Variants in NAV2 observed in about 807,000 individuals in gnomAD.
NAV2 encodes the protein helicase, APC down-regulated 1.
A neutral mutation model predicts 223.2 loss-of-function variants in NAV2; 54 were observed. The observed-to-expected ratio is 0.24, with a 90% CI of 0.19 to 0.30. The LOEUF is 0.30. Among genes scored for constraint, NAV2 ranks in the 10% least tolerant of loss-of-function variants. NAV2 has a pLI of 1.00. For synonymous variants in NAV2, 1,279 were observed against 1,239.3 expected, an observed-to-expected ratio of 1.03 and a Z score of -0.67; for missense variants, 2,806 against 3,147.5, an observed-to-expected ratio of 0.89 and a Z score of 2.60.
At chr11:19,686,688 A>T (rs1039242037) in intron 1 of NAV2, among the ~76,000 whole-genome samples, 1 of 152,234 alleles carries the variant, frequency 6.6e-6, no homozygotes, top group South Asian at 2.1e-4. Flanking sequence ...GCAGCATGTT[A>T]TCATGGAGAG....
chr11:19,851,639 C>G (rs547842452), intron 3 of NAV2, among the ~76,000 whole-genome samples: 1 of 152,178 alleles, frequency 6.6e-6, no homozygotes, highest in Admixed American at 6.5e-5. Flanking sequence ...GAAGGTCATT[C>G]CCTGCCCTGT....
In NAV2 at chr11:19,713,423, C is replaced by G; in HGVS notation, c.-273C>G. On this transcript the variant is annotated 5_prime_UTR_variant, in exon 1 of 38. Transcript: ENST00000349880. This position sits in a 1 kb window ranked among gnomAD's most constrained non-coding sequence, Gnocchi z 7.2. Reference sequence around the variant, plus strand: ...AGCGCCCAGAGCTCTTGAAAGGCCACCCAGGAGAGGTGTGAGACCCGGCGG... The same window carrying G: ...AGCGCCCAGAGCTCTTGAAAGGCCAGCCAGGAGAGGTGTGAGACCCGGCGG... 2 of 1,252,486 alleles carry G rather than the reference C, an allele frequency of 1.6e-6. No homozygotes were observed. The highest frequency in any genetic ancestry group is 2.0e-6 in the Non-Finnish European group (2 of 1,001,422). 77.6% of individuals were successfully genotyped at this position (1,252,486 alleles called of 1,614,324 possible).
intron 6 of NAV2, among the ~76,000 whole-genome samples, chr11:19,918,957 G>A (rs1401199378): frequency 2.0e-5 from 3 of 152,070 alleles, no homozygotes; most frequent in Non-Finnish European, 4.4e-5. Flanking sequence ...CCCCTTGAAG[G>A]CATACACCAT....
intron 10 of NAV2, among the ~76,000 whole-genome samples, chr11:19,975,081 T>A (rs768531382): frequency 3.3e-5 from 5 of 152,226 alleles, no homozygotes; most frequent in Non-Finnish European, 7.3e-5. Context: ...TCTAGAGAAC[T>A]GTCTCTTGTG....
intron 14 of NAV2, 116 bp downstream of exon 14, chr11:20,045,786 A>G: frequency 1.1e-6 from 1 of 887,264 alleles, no homozygotes; most frequent in South Asian, 1.8e-5. Context: ...TCCTCCAGTA[A>G]AGCTGTTTTG....
Position 19,679,430 on chromosome 11 carries a change from C to CAAAAAAAAAAAAA in NAV2, c.76-153047_76-153046insAAAAAAAAAAAAA, listed in dbSNP as rs56384242. On this transcript the variant is annotated intron_variant, in intron 1 of 37. Transcript: ENST00000360655. The stretch of plus-strand genomic sequence containing the variant: ...TGGGCAACAGAACGAGACTCTGTCT[C>CAAAAAAAAAAAAA]AAAAAAACACAAAAAGATTTGGGGG... 2.1e-4 allele frequency among the ~76,000 whole-genome samples: 24 copies of CAAAAAAAAAAAAA among 114,140 alleles called. 10 individuals carry two copies. Among genetic ancestry groups the CAAAAAAAAAAAAA allele is most frequent in the South Asian group, 6.0e-4 (2 of 3,330 alleles). 74.9% of individuals were successfully genotyped at this position (114,140 alleles called of 152,430 possible). A position where few individuals can be genotyped will look rare whatever the true frequency, so the allele number is the denominator to read the frequency against.
At chr11:19,368,679 A>G (rs998480009) in intron 1 of NAV2, among the ~76,000 whole-genome samples, 12 of 152,244 alleles carry the variant, frequency 7.9e-5, no homozygotes, top group African/African-American at 2.4e-5. Context: ...TATATTTTAT[A>G]ACTAAAGGAC....
chr11:19,637,544 T>G (rs1265659668), intron 1 of NAV2, among the ~76,000 whole-genome samples: 2 of 152,238 alleles, frequency 1.3e-5, no homozygotes, highest in Non-Finnish European at 2.9e-5. Context: ...AGAAGTTTAA[T>G]TGGCTTGCCG....
chr11:19,418,544 C>T (rs916315726), intron 1 of NAV2, among the ~76,000 whole-genome samples: 6 of 152,188 alleles, frequency 3.9e-5, no homozygotes, highest in Admixed American at 1.3e-4. Context: ...CCAGACAGAG[C>T]GATCAGCATG....
intron 1 of NAV2, among the ~76,000 whole-genome samples, chr11:19,393,254 C>G (rs992301160): frequency 2.6e-5 from 4 of 152,156 alleles, no homozygotes; most frequent in Non-Finnish European, 4.4e-5. Flanking sequence ...GTAAGACCAC[C>G]AGTTTCATTC....
chr11:20,091,123 C>T (rs2060816078), intron 27 of NAV2, 105 bp downstream of exon 27: 3 of 1,172,472 alleles, frequency 2.6e-6, no homozygotes, highest in South Asian at 1.5e-5. Flanking sequence ...CTGGTGGCGG[C>T]CCTCGCTTTC....
chr11:19,602,805 G>C (rs118111902), intron 1 of NAV2, among the ~76,000 whole-genome samples: 1,797 of 147,826 alleles, frequency 0.012, 12 homozygotes, highest in Non-Finnish European at 0.02. Flanking sequence ...ATTGGATTTA[G>C]GGGCCACCCT....
intron 20 of NAV2, 88 bp from the exon 21 acceptor site, chr11:20,068,098 A>T: frequency 1.7e-6 from 2 of 1,163,342 alleles, no homozygotes; most frequent in Non-Finnish European, 1.3e-6. Context: ...GACTGCTGCA[A>T]CCATCTGAAT....
At chr11:19,349,862 C>T (rs760682183), upstream of NAV2, among the ~76,000 whole-genome samples, 2 of 152,110 alleles carry the variant, frequency 1.3e-5, no homozygotes, top group African/African-American at 2.4e-5. Context: ...GACTGAGTGT[C>T]TGCTCTATCT....
At chr11:19,570,695 A>G (rs2045399682) in intron 1 of NAV2, among the ~76,000 whole-genome samples, 1 of 152,248 alleles carries the variant, frequency 6.6e-6, no homozygotes, top group African/African-American at 2.4e-5. Context: ...TGCTAACATC[A>G]TTAGTCATTA....
intron 22 of NAV2, 95 bp downstream of exon 22, chr11:20,068,493 T>A: frequency 1.1e-6 from 1 of 891,400 alleles, no homozygotes; most frequent in Non-Finnish European, 1.9e-6. Flanking sequence ...CAAATAGAAG[T>A]AGCACATTAT....
At chr11:20,037,160 C>T (rs995576024) in intron 12 of NAV2, among the ~76,000 whole-genome samples, 2 of 152,076 alleles carry the variant, frequency 1.3e-5, no homozygotes, top group African/African-American at 2.4e-5. Flanking sequence ...CCACCCCTCC[C>T]CACCCCCCAT....
chr11:19,868,088 G>A (rs986263420), intron 3 of NAV2, among the ~76,000 whole-genome samples: 1 of 152,066 alleles, frequency 6.6e-6, no homozygotes, highest in African/African-American at 2.4e-5. Flanking sequence ...GTAATGAGGG[G>A]TGGGGTGATT....
At chr11:20,086,596 A>G (rs1043761993) in intron 26 of NAV2, among the ~76,000 whole-genome samples, 1 of 152,044 alleles carries the variant, frequency 6.6e-6, no homozygotes, top group African/African-American at 2.4e-5. Flanking sequence ...CCCCAGATCT[A>G]CAGTAGAAGC....
Sources: allele counts gnomAD v4.1 joint callset (sites outside exome capture counted in the v4.1 genomes callset), GRCh38; gene constraint gnomAD v4.1.1; non-coding constraint Gnocchi (gnomAD v3.1); transcripts MANE v1.5; gene names NCBI Gene and HGNC (gene_info 2026-07-23, HGNC 2026-07-21).